The following COMMD1 variants were observed in gnomAD, a reference collection of about 807,000 sequenced individuals.
The protein encoded by COMMD1 is COMM domain-containing protein 1.
COMMD1 carries 10 observed loss-of-function variants against 17.2 expected under a neutral mutation model. The ratio of observed to expected loss-of-function variants is 0.58; its 90% confidence interval spans 0.36 to 0.99. COMMD1 has a LOEUF of 0.99. Among genes scored for constraint, COMMD1 ranks in the 50% least tolerant of loss-of-function variants. The pLI, the probability that COMMD1 is intolerant of heterozygous loss-of-function variation, is 0.01. For missense variants in COMMD1, 270 were observed against 231.8 expected (o/e 1.17, Z -1.07); for synonymous variants, 97 against 91.6 (o/e 1.06, Z -0.34).
At chr2:62,002,625 C>A (rs747588629) in intron 2 of COMMD1, among the ~76,000 whole-genome samples, 2 of 146,902 alleles carry the variant, frequency 1.4e-5, no homozygotes, top group Non-Finnish European at 3.0e-5. Context: ...GTCAGGAGTT[C>A]AAGACCAACC....
chr2:61,969,101 GGT>G (rs1265253905), intron 1 of COMMD1: 2 of 388,254 alleles, frequency 5.2e-6, no homozygotes, highest in African/African-American at 2.1e-5. Flanking sequence ...TGGGACTACA[GGT>G]GCACACCACC....
At chr2:61,915,617 G>C (rs1670027842) in intron 1 of COMMD1, 1 of 424,792 alleles carries the variant, frequency 2.4e-6, no homozygotes, top group African/African-American at 2.1e-5. Flanking sequence ...AGCCTTTTGA[G>C]TAGCTGAAAC....
chr2:62,054,135 A>G (rs1035116095), intron 2 of COMMD1, among the ~76,000 whole-genome samples: 2 of 152,236 alleles, frequency 1.3e-5, no homozygotes, highest in Non-Finnish European at 2.9e-5. Context: ...AGAAATGCAA[A>G]TCGAAACCAC....
chr2:61,940,153 A>G (rs1227458331), intron 1 of COMMD1, among the ~76,000 whole-genome samples: 1 of 152,230 alleles, frequency 6.6e-6, no homozygotes, highest in African/African-American at 2.4e-5. Context: ...ACAAAAGGCT[A>G]CAAAGTGGAG....
intron 1 of COMMD1, among the ~76,000 whole-genome samples, chr2:61,889,809 G>A (rs1358633905): frequency 7.2e-5 from 11 of 152,120 alleles, no homozygotes. Flanking sequence ...CGTAGCCACT[G>A]ACTCTTAGGG....
At chr2:62,087,005 G>C (rs1573167147) in intron 2 of COMMD1, among the ~76,000 whole-genome samples, 1 of 151,912 alleles carries the variant, frequency 6.6e-6, no homozygotes, top group East Asian at 1.9e-4. Flanking sequence ...TGTATTTTTA[G>C]TAGAGACAGG....
At chr2:62,026,772 T>A (rs1669768421) in intron 2 of COMMD1, among the ~76,000 whole-genome samples, 1 of 152,208 alleles carries the variant, frequency 6.6e-6, no homozygotes, top group South Asian at 2.1e-4. Flanking sequence ...CCCACCATTA[T>A]GATCCTCAGA....
intron 2 of COMMD1, among the ~76,000 whole-genome samples, chr2:62,040,219 A>T (rs1333532788): frequency 1.3e-5 from 2 of 152,192 alleles, no homozygotes; most frequent in Non-Finnish European, 2.9e-5. Flanking sequence ...CATCACTGGC[A>T]CTCCAGCCTA....
chr2:61,917,001 C>T (rs925676356), intron 1 of COMMD1, among the ~76,000 whole-genome samples: 1 of 152,144 alleles, frequency 6.6e-6, no homozygotes, highest in East Asian at 1.9e-4. Context: ...TTTGATCCTG[C>T]TTGCTAAATA....
chr2:62,081,253 A>AG (rs1671509084), intron 2 of COMMD1, among the ~76,000 whole-genome samples: 1 of 141,568 alleles, frequency 7.1e-6, no homozygotes, highest in Non-Finnish European at 1.5e-5. Flanking sequence ...CTCAATCTAG[A>AG]TTTTTTTTTT....
At chr2:62,080,348 C>T (rs1671482352) in intron 2 of COMMD1, among the ~76,000 whole-genome samples, 1 of 152,114 alleles carries the variant, frequency 6.6e-6, no homozygotes. Flanking sequence ...TATTCACTGC[C>T]CTGTTCCTAG....
chr2:62,025,958 T>A (rs1172620448), intron 2 of COMMD1, among the ~76,000 whole-genome samples: 1 of 151,948 alleles, frequency 6.6e-6, no homozygotes, highest in Non-Finnish European at 1.5e-5. Context: ...CCTCCCAAAG[T>A]GGTGGGATTA....
chr2:61,963,929 C>T (rs928059379), intron 1 of COMMD1, among the ~76,000 whole-genome samples: 1 of 152,182 alleles, frequency 6.6e-6, no homozygotes, highest in Non-Finnish European at 1.5e-5. Flanking sequence ...CTTCACTCTC[C>T]AGAATGGAAA....
At chr2:62,054,891 A>T (rs1487130380) in intron 2 of COMMD1, among the ~76,000 whole-genome samples, 2 of 152,212 alleles carry the variant, frequency 1.3e-5, no homozygotes, top group Non-Finnish European at 2.9e-5. Flanking sequence ...AGCTCATAGG[A>T]GCACAAACCC....
chr2:61,918,248 C>T (rs1352082647), intron 1 of COMMD1, among the ~76,000 whole-genome samples: 1 of 152,158 alleles, frequency 6.6e-6, no homozygotes, highest in Non-Finnish European at 1.5e-5. Flanking sequence ...ATTTAAAGTT[C>T]TATAAATATA....
At chr2:61,963,190 T>TATATACAC (rs1280301014) in intron 1 of COMMD1, among the ~76,000 whole-genome samples, 309 of 136,360 alleles carry the variant, frequency 2.3e-3, no homozygotes, top group African/African-American at 8.3e-3. Context: ...ATATATTATA[T>TATATACAC]ACACACACAC....
At chr2:61,912,566 C>T (rs1031205759) in intron 1 of COMMD1, among the ~76,000 whole-genome samples, 2 of 152,114 alleles carry the variant, frequency 1.3e-5, no homozygotes, top group Non-Finnish European at 2.9e-5. Flanking sequence ...GAAATTCCAT[C>T]TCTACTAAAA....
chr2:62,106,250 A>G (rs1672321935), intron 2 of COMMD1, among the ~76,000 whole-genome samples: 2 of 152,376 alleles, frequency 1.3e-5, no homozygotes, highest in South Asian at 4.1e-4. Context: ...ATCATTTTTA[A>G]TCAAATAATC....
intron 2 of COMMD1, among the ~76,000 whole-genome samples, chr2:62,082,521 C>T (rs1671552841): frequency 6.6e-6 from 1 of 152,164 alleles, no homozygotes; most frequent in South Asian, 2.1e-4. Flanking sequence ...TTCATTTCTT[C>T]ACTTTCTATT....
Sources: allele counts gnomAD v4.1 joint callset (sites outside exome capture counted in the v4.1 genomes callset), GRCh38; gene constraint gnomAD v4.1.1; transcripts MANE v1.5; gene names NCBI Gene and HGNC (gene_info 2026-07-23, HGNC 2026-07-21).